The following REC114 variants were observed in gnomAD, a reference collection of about 807,000 sequenced individuals.
The protein encoded by REC114 is meiotic recombination protein REC114.
Under a neutral mutation model 31.3 loss-of-function variants are expected in REC114, and 27 were observed. The ratio of observed to expected loss-of-function variants is 0.86; its 90% CI spans 0.64 to 1.19. The LOEUF (loss-of-function observed/expected upper bound fraction) is 1.19, where lower values mean the gene tolerates loss of function less well. Among genes scored for constraint, REC114 ranks in the 50% most tolerant of loss-of-function variants. The pLI, the probability that REC114 is intolerant of heterozygous loss-of-function variation, is 0.00. For synonymous variants in REC114, 134 were observed against 127.7 expected (o/e 1.05, Z -0.33); for missense variants, 344 against 326.9 (o/e 1.05, Z -0.40).
intron 4 of REC114, among the ~76,000 whole-genome samples, chr15:73,556,011 C>T (rs1259841790): frequency 6.6e-6 from 1 of 152,026 alleles, no homozygotes; most frequent in African/African-American, 2.4e-5. Flanking sequence ...GGGCCTCTAA[C>T]AACAGAGGAA....
chr15:73,506,950 G>C (rs1228122369), intron 2 of REC114, among the ~76,000 whole-genome samples: 1 of 152,010 alleles, frequency 6.6e-6, no homozygotes, highest in Non-Finnish European at 1.5e-5. Context: ...TTAAAGTCTT[G>C]GAGTGAAAAG....
intron 2 of REC114, among the ~76,000 whole-genome samples, chr15:73,497,677 G>T (rs992666696): frequency 6.6e-6 from 1 of 152,174 alleles, no homozygotes; most frequent in African/African-American, 2.4e-5. Context: ...GATACATATA[G>T]TAATATTGTC....
At chr15:73,557,133 G>C (rs751976145) in intron 5 of REC114, among the ~76,000 whole-genome samples, 1 of 151,020 alleles carries the variant, frequency 6.6e-6, no homozygotes, top group Admixed American at 6.6e-5. Context: ...GCAGTGGTGC[G>C]ATCTTGGCTC....
intron 1 of REC114, among the ~76,000 whole-genome samples, chr15:73,463,747 C>A (rs549239850): frequency 1.3e-5 from 2 of 151,524 alleles, no homozygotes; most frequent in Admixed American, 6.6e-5. Context: ...CTTGAACCCA[C>A]GAGACAGAGG....
Position 73,487,252 on chromosome 15 carries a change from C to T in REC114, c.249+13331C>T, listed in dbSNP as rs146442526. Reference sequence around the variant, plus strand: ...CATGCAGAATATATTCATTGCATCCCAGTACCCCCAAAAGTCTTAACTTGT... The same window carrying T: ...CATGCAGAATATATTCATTGCATCCTAGTACCCCCAAAAGTCTTAACTTGT... On this transcript the variant is annotated intron_variant, in intron 2 of 5. Coordinates refer to ENST00000331090, the MANE Select transcript of REC114 (RefSeq NM_001042367.2). Among the ~76,000 whole-genome samples, 460 of 152,314 alleles carry T rather than the reference C, an allele frequency of 3.0e-3. 2 individuals carry two copies. Among genetic ancestry groups the T allele is most frequent in the African/African-American group, 0.011 (441 of 41,576 alleles).
chr15:73,508,138 G>C (rs750378301), intron 2 of REC114, among the ~76,000 whole-genome samples: 1 of 152,082 alleles, frequency 6.6e-6, no homozygotes, highest in Non-Finnish European at 1.5e-5. Context: ...CAGAGATTAT[G>C]TCTTCTGTTA....
chr15:73,541,537 C>T (rs1894237045), intron 3 of REC114, among the ~76,000 whole-genome samples: 1 of 152,074 alleles, frequency 6.6e-6, no homozygotes, highest in Non-Finnish European at 1.5e-5. Flanking sequence ...TCTTTGTAAA[C>T]TTGTGCATTT....
intron 2 of REC114, among the ~76,000 whole-genome samples, chr15:73,474,498 C>T (rs1385516930): frequency 6.6e-6 from 1 of 152,072 alleles, no homozygotes; most frequent in Non-Finnish European, 1.5e-5. Flanking sequence ...CAATTGGTAA[C>T]TTCCAATCAA....
In REC114 at chr15:73,448,693, C is replaced by G. The variant is rs143854293; in HGVS notation, c.159+5349C>G. Among the ~76,000 whole-genome samples, 409 of 152,286 alleles carry G rather than the reference C, an allele frequency of 2.7e-3. 2 individuals carry two copies. Among genetic ancestry groups the G allele is most frequent in the African/African-American group, 9.5e-3 (394 of 41,558 alleles). On this transcript the variant is annotated intron_variant, in intron 1 of 5. Transcript: ENST00000331090. ...TAAAGTGGGTCCCTGACCTTTGTGT[C>G]TCCTGACTGGGAGACACCTCCCAGT...
intron 2 of REC114, among the ~76,000 whole-genome samples, chr15:73,501,004 T>C (rs1185255784): frequency 6.6e-6 from 1 of 151,904 alleles, no homozygotes; most frequent in Admixed American, 6.6e-5. Context: ...TTAACAGGAG[T>C]TGTGAGTGGG....
At chr15:73,532,687 G>A (rs996109435) in intron 2 of REC114, among the ~76,000 whole-genome samples, 12 of 152,112 alleles carry the variant, frequency 7.9e-5, no homozygotes, top group Admixed American at 7.2e-4. Flanking sequence ...TACAGAGAAT[G>A]CCACAAAGAT....
chr15:73,501,332 C>T (rs1229177403), intron 2 of REC114, among the ~76,000 whole-genome samples: 1 of 152,110 alleles, frequency 6.6e-6, no homozygotes, highest in African/African-American at 2.4e-5. Context: ...CTAAGTATCC[C>T]TTGTCATTCT....
chr15:73,508,431 T>C (rs1460849427), intron 2 of REC114, among the ~76,000 whole-genome samples: 1 of 151,602 alleles, frequency 6.6e-6, no homozygotes, highest in Non-Finnish European at 1.5e-5. Flanking sequence ...TTCTTTTTTT[T>C]TTTTTCTTTT....
At chr15:73,538,014 G>A (rs527464921) in intron 2 of REC114, among the ~76,000 whole-genome samples, 1 of 152,284 alleles carries the variant, frequency 6.6e-6, no homozygotes, top group South Asian at 2.1e-4. Flanking sequence ...TTTATATAGA[G>A]CTGCACTGTC....
chr15:73,450,902 A>T (rs1341272413), intron 1 of REC114, among the ~76,000 whole-genome samples: 2 of 152,246 alleles, frequency 1.3e-5, no homozygotes, highest in African/African-American at 4.8e-5. Context: ...AAATAAAGAA[A>T]TGAAGGCAGA....
intron 3 of REC114, among the ~76,000 whole-genome samples, chr15:73,550,629 T>C (rs1894373655): frequency 6.6e-6 from 1 of 152,208 alleles, no homozygotes. Context: ...GAAATCTTTA[T>C]TCCAAAGCAC....
intron 1 of REC114, among the ~76,000 whole-genome samples, chr15:73,464,402 T>C (rs188409066): frequency 2.0e-5 from 3 of 152,230 alleles, no homozygotes; most frequent in South Asian, 2.1e-4. Flanking sequence ...CAGTCTCCTC[T>C]AGCAGCTTGT....
rs565503545 is a variant in REC114, at chr15:73,484,266, G to A, written c.249+10345G>A. Among the ~76,000 whole-genome samples, 517 of 152,210 alleles carry A rather than the reference G, an allele frequency of 3.4e-3. 4 individuals are homozygous for A. The highest frequency in any genetic ancestry group is 5.0e-3 in the Admixed American group (77 of 15,290). The stretch of plus-strand genomic sequence containing the variant: ...TGAGCCCTTTTTAGGGTAGGGACTA[G>A]AAAGTGTGGCTTTTCTTGGAGCACA... On this transcript the variant is annotated intron_variant, in intron 2 of 5. Transcript: ENST00000331090.
At chr15:73,549,389 T>G (rs1295792060) in intron 3 of REC114, among the ~76,000 whole-genome samples, 1 of 152,070 alleles carries the variant, frequency 6.6e-6, no homozygotes, top group Non-Finnish European at 1.5e-5. Flanking sequence ...GGATGGTTAA[T>G]GGGTCCAAAA....
Sources: allele counts gnomAD v4.1 joint callset (sites outside exome capture counted in the v4.1 genomes callset), GRCh38; gene constraint gnomAD v4.1.1; transcripts MANE v1.5; gene names NCBI Gene and HGNC (gene_info 2026-07-23, HGNC 2026-07-21).